Variants in SLC35F4 observed in about 807,000 individuals in gnomAD.
The protein encoded by SLC35F4 is chromosome 14 open reading frame 36.
A neutral mutation model predicts 44.2 loss-of-function variants in SLC35F4; 24 were observed. The observed-to-expected ratio is 0.54, with a 90% CI of 0.39 to 0.76. SLC35F4 has a LOEUF of 0.76. Ranked by LOEUF, SLC35F4 falls within the 30% of genes least tolerant of loss-of-function variation. The pLI is 0.00. For missense variants in SLC35F4, 562 were observed against 586.1 expected (o/e 0.96, Z 0.42); for synonymous variants, 238 against 223.6 (o/e 1.06, Z -0.57).
At chr14:57,829,816 A>C (rs758888864) in intron 1 of SLC35F4, among the ~76,000 whole-genome samples, 3 of 152,176 alleles carry the variant, frequency 2.0e-5, no homozygotes, top group Non-Finnish European at 2.9e-5. Flanking sequence ...TATTTCAAAG[A>C]AGGCCGTGAA....
intron 1 of SLC35F4, among the ~76,000 whole-genome samples, chr14:57,686,508 C>T (rs928862744): frequency 2.0e-5 from 3 of 152,164 alleles, no homozygotes; most frequent in African/African-American, 7.2e-5. Flanking sequence ...TCCTGCACTC[C>T]TCCTGCCTTG....
intron 1 of SLC35F4, among the ~76,000 whole-genome samples, chr14:57,725,461 A>G (rs182354017): frequency 8.6e-4 from 131 of 152,364 alleles, no homozygotes; most frequent in African/African-American, 3.1e-3. Flanking sequence ...CACTTACTCC[A>G]GATACGGGTT....
At chr14:57,846,631 G>A (rs1019116837) in intron 1 of SLC35F4, among the ~76,000 whole-genome samples, 4 of 152,144 alleles carry the variant, frequency 2.6e-5, no homozygotes, top group Admixed American at 2.6e-4. Flanking sequence ...CCACTACTAA[G>A]ATACATGAGA....
intron 2 of SLC35F4, among the ~76,000 whole-genome samples, chr14:57,592,037 C>A (rs1476201130): frequency 6.6e-6 from 1 of 152,192 alleles, no homozygotes; most frequent in African/African-American, 2.4e-5. Flanking sequence ...TTTTACAAAG[C>A]ACAGAAAGAT....
At chr14:57,863,275 T>A (rs1887835304) in intron 1 of SLC35F4, among the ~76,000 whole-genome samples, 2 of 152,234 alleles carry the variant, frequency 1.3e-5, no homozygotes, top group Admixed American at 1.3e-4. Context: ...AGTACCTTCA[T>A]TTATCTGAAT....
At chr14:57,898,325 C>A (rs1888927716) in intron 1 of SLC35F4, among the ~76,000 whole-genome samples, 1 of 152,202 alleles carries the variant, frequency 6.6e-6, no homozygotes, top group Non-Finnish European at 1.5e-5. Flanking sequence ...TGCTTGAAAG[C>A]TGCAGGTTAA....
intron 1 of SLC35F4, among the ~76,000 whole-genome samples, chr14:57,625,926 T>C (rs2072452329): frequency 6.6e-6 from 1 of 152,176 alleles, no homozygotes; most frequent in African/African-American, 2.4e-5. Flanking sequence ...CCAACCCAAA[T>C]GCCCATCAAT....
chr14:57,598,882 T>C (rs2070646954), intron 1 of SLC35F4, among the ~76,000 whole-genome samples: 2 of 80,294 alleles, frequency 2.5e-5, no homozygotes, highest in African/African-American at 7.3e-5. Context: ...CTAGGGAATG[T>C]GTGTGTGTAT....
chr14:57,668,742 A>G (rs919555372), intron 1 of SLC35F4, among the ~76,000 whole-genome samples: 3 of 152,082 alleles, frequency 2.0e-5, no homozygotes, highest in Non-Finnish European at 4.4e-5. Context: ...GCCTTGTAAT[A>G]TAGTTTGAAG....
At position 57,925,392 on chromosome 14, in the gene SLC35F4, G is replaced by T. The variant is rs552008156; in HGVS notation, n.282+56521C>A. 8.0e-4 allele frequency among the ~76,000 whole-genome samples: 121 copies of T among 151,794 alleles called. 1 individual carries two copies. The highest frequency in any genetic ancestry group is 1.7e-3 in the South Asian group (8 of 4,818). ...TTTGAATAAGAACTTACTCCCAGTG[G>T]TATATTTTCTACATTTTGGGAGACT... On this transcript the variant is annotated intron_variant and non_coding_transcript_variant, in intron 1 of 1. Coordinates refer to the SLC35F4 transcript ENST00000556568.
At chr14:57,878,097 G>A (rs1888440110) in intron 1 of SLC35F4, among the ~76,000 whole-genome samples, 1 of 152,034 alleles carries the variant, frequency 6.6e-6, no homozygotes, top group South Asian at 2.1e-4. Context: ...TCATATGCTT[G>A]TTGGCTGCAT....
At chr14:57,713,462 C>T (rs1346619830) in intron 1 of SLC35F4, among the ~76,000 whole-genome samples, 1 of 152,090 alleles carries the variant, frequency 6.6e-6, no homozygotes, top group East Asian at 1.9e-4. Flanking sequence ...CAGCCATGAC[C>T]AAGAATACAC....
intron 1 of SLC35F4, among the ~76,000 whole-genome samples, chr14:57,832,343 A>C (rs1270990785): frequency 1.3e-5 from 2 of 152,218 alleles, no homozygotes; most frequent in Non-Finnish European, 2.9e-5. Context: ...CATGAGGAAA[A>C]TAAGACCCTA....
rs1045689444 is a variant in SLC35F4, at chr14:57,885,127, C to A, written n.282+96786G>T. Among the ~76,000 whole-genome samples, 4 of 152,152 alleles carry A rather than the reference C, an allele frequency of 2.6e-5. No individual in the cohort carries two copies. The East Asian group carries it at 7.7e-4, about 29-fold the overall frequency. On this transcript the variant is annotated intron_variant and non_coding_transcript_variant, in intron 1 of 1. Transcript: ENST00000556568. ...GACCCAAAGAGGCTCCTGCCCCCAA[C>A]ACACTTTACAATTCCTTTCTCTTTG...
At chr14:57,768,678 G>A (rs1256754657) in intron 1 of SLC35F4, among the ~76,000 whole-genome samples, 8 of 151,964 alleles carry the variant, frequency 5.3e-5, no homozygotes, top group Non-Finnish European at 2.9e-5. Flanking sequence ...TATATGGAAT[G>A]ACAGAGGAAA....
rs549058295 is a variant in SLC35F4, at chr14:57,675,500, T to G, written c.104-81376A>C. Among the ~76,000 whole-genome samples the G allele has an allele frequency of 1.4e-4, 21 of 152,164 alleles. No homozygotes were observed. The South Asian group carries it at 1.7e-3, about 12-fold the overall frequency. ...TTCCTCTTTTCCAATTTAGATGCCC[T>G]TTATTTCTTTCTCTCGTCTGATTGC... is the stretch of plus-strand genomic sequence containing the variant. On this transcript the variant is annotated intron_variant, in intron 1 of 7. Coordinates refer to ENST00000556826, the MANE Select transcript of SLC35F4 (RefSeq NM_001306087.2).
intron 1 of SLC35F4, among the ~76,000 whole-genome samples, chr14:57,607,886 T>C (rs573255641): frequency 1.3e-4 from 20 of 152,238 alleles, no homozygotes; most frequent in Admixed American, 2.0e-4. Flanking sequence ...TGGTAAATAA[T>C]TGAACATGGG....
At chr14:57,624,052 T>C (rs1299887335) in intron 1 of SLC35F4, among the ~76,000 whole-genome samples, 2 of 151,434 alleles carry the variant, frequency 1.3e-5, no homozygotes, top group African/African-American at 4.8e-5. Context: ...ATGGACACTG[T>C]CCAGACTAAT....
At chr14:57,772,266 G>C (rs891178392) in intron 1 of SLC35F4, among the ~76,000 whole-genome samples, 1 of 152,118 alleles carries the variant, frequency 6.6e-6, no homozygotes, top group East Asian at 1.9e-4. Context: ...CAAACTCAGG[G>C]AATAATTCCT....
Sources: gnomAD v4.1 joint callset for allele counts (sites outside exome capture counted in the v4.1 genomes callset) on GRCh38, gnomAD v4.1.1 for gene constraint, MANE v1.5 for transcripts, NCBI Gene and HGNC (gene_info 2026-07-23, HGNC 2026-07-21) for gene names.